The following GID4 variants were observed in gnomAD, a reference collection of about 807,000 sequenced individuals.
GID4 encodes GID complex subunit 4 homolog.
In GID4, 7 loss-of-function variants were observed where a neutral mutation model predicts 32.4. The observed-to-expected ratio is 0.22, with a 90% CI of 0.12 to 0.41. GID4 has a LOEUF of 0.41. GID4 is among the 10% of genes least tolerant of loss of function. The pLI is 1.00. For synonymous variants in GID4, 166 were observed against 170.0 expected, an observed-to-expected ratio of 0.98 and a Z score of 0.18; for missense variants, 309 against 400.0, an observed-to-expected ratio of 0.77 and a Z score of 1.94.
At chr17:18,056,674 C>T (rs2044970447) in intron 3 of GID4, 1 of 1,539,454 alleles carries the variant, frequency 6.5e-7, no homozygotes, top group Middle Eastern at 1.7e-4. Flanking sequence ...TGGAAAGCAA[C>T]TCTTAATTTT....
chr17:18,060,400 C>CAAAAAAAA, intron 4 of GID4, among the ~76,000 whole-genome samples: 1 of 45,676 alleles, frequency 2.2e-5, no homozygotes, highest in Non-Finnish European at 4.6e-5. Context: ...TCTGTCTCAC[C>CAAAAAAAA]AAAAAAAAAA....
chr17:18,052,108 C>T (rs1210906857), intron 2 of GID4, among the ~76,000 whole-genome samples: 1 of 151,600 alleles, frequency 6.6e-6, no homozygotes. Flanking sequence ...TTAGCTTATA[C>T]CTTAAAAATT....
rs747988985 is a variant in GID4 at position 18,068,382 on chromosome 17, A to AAT, written c.*3140_*3141insTA. 461 of 152,312 alleles carry AAT rather than the reference A, an allele frequency of 3.0e-3. 1 individual carries two copies. The highest frequency in any genetic ancestry group is 5.4e-3 in the Non-Finnish European group (367 of 67,890). 9.4% of individuals were successfully genotyped at this position (152,312 alleles called of 1,614,324 possible). On this transcript the variant is annotated 3_prime_UTR_variant, in exon 6 of 6. Transcript: ENST00000268719. The stretch of plus-strand genomic sequence containing the variant: ...TCAATGTCCAAATAATTTAAAAAAA[A>AAT]AAATAAAGGTATTTAAGCAGTGAGT...
At chr17:18,055,103 G>A (rs987175587) in intron 3 of GID4, among the ~76,000 whole-genome samples, 10 of 151,668 alleles carry the variant, frequency 6.6e-5, no homozygotes, top group Non-Finnish European at 1.5e-4. Context: ...CCCAGGAGGC[G>A]GAGCTTGCAG....
intron 2 of GID4, among the ~76,000 whole-genome samples, chr17:18,050,890 G>A (rs996589843): frequency 7.2e-5 from 11 of 152,096 alleles, no homozygotes; most frequent in Admixed American, 1.3e-4. Flanking sequence ...ATGGTTTTTC[G>A]TCCGCTCTAT....
Position 18,039,961 on chromosome 17 carries a change from C to T in GID4, c.438+59C>T, listed in dbSNP as rs2044773528. The T allele has an allele frequency of 2.2e-5, 28 of 1,292,054 alleles. No homozygotes were observed. The Middle Eastern group carries it at 8.8e-4, about 41-fold the overall frequency. The allele number at this position is 1,292,054 out of a possible 1,614,324, so 80.0% of individuals were successfully genotyped here. A position where few individuals can be genotyped will look rare whatever the true frequency, so the allele number is the denominator to read the frequency against. On this transcript the variant is annotated intron_variant, in intron 1 of 5. Transcript: ENST00000268719. This position sits in a 1 kb window ranked among gnomAD's most constrained non-coding sequence, Gnocchi z 5.3. ...TCCTCGCGGCGCTCACGGGCCGTGC[C>T]CGCTTCGGCTCCTCGACCCCGCAGC...
At chr17:18,041,090 C>A (rs536260037) in intron 1 of GID4, among the ~76,000 whole-genome samples, 131 of 152,280 alleles carry the variant, frequency 8.6e-4, no homozygotes, top group African/African-American at 3.0e-3. Context: ...CTTTCCCCTT[C>A]CCTTTGCCCT....
intron 1 of GID4, among the ~76,000 whole-genome samples, chr17:18,040,611 G>C (rs1335582010): frequency 6.6e-6 from 1 of 151,850 alleles, no homozygotes; most frequent in Non-Finnish European, 1.5e-5. Context: ...CAGGCACCCA[G>C]CTCCTTCCAG....
rs904973958 is a variant in GID4, at chr17:18,066,638, T to C, written c.*1395T>C. The C allele has an allele frequency of 3.9e-5, 6 of 152,138 alleles. No individual in the cohort carries two copies. Among genetic ancestry groups the C allele is most frequent in the Non-Finnish European group, 7.3e-5 (5 of 68,030 alleles). 9.4% of individuals were successfully genotyped at this position (152,138 alleles called of 1,614,324 possible). ...AAGAGGAAAAGCTTTAAAAACAAGATTGCATCATAACCCCCAGGAGCAAAG... is the reference window on the plus strand; with the variant it reads ...AAGAGGAAAAGCTTTAAAAACAAGACTGCATCATAACCCCCAGGAGCAAAG... On this transcript the variant is annotated 3_prime_UTR_variant, in exon 6 of 6. Coordinates refer to ENST00000268719, the MANE Select transcript of GID4 (RefSeq NM_024052.5).
At chr17:18,062,620 G>A (rs943564596) in intron 5 of GID4, among the ~76,000 whole-genome samples, 10 of 152,096 alleles carry the variant, frequency 6.6e-5, no homozygotes, top group African/African-American at 1.7e-4. Context: ...TTTCTTTCCA[G>A]TATTTAACAC....
chr17:18,051,661 C>T (rs893010233), intron 2 of GID4, among the ~76,000 whole-genome samples: 2 of 149,050 alleles, frequency 1.3e-5, no homozygotes, highest in Non-Finnish European at 1.5e-5. Context: ...GGCGACAGAG[C>T]GAGACTCCAT....
intron 2 of GID4, among the ~76,000 whole-genome samples, chr17:18,046,643 C>T (rs7210400): frequency 0.57 from 85,359 of 150,644 alleles, 25,495 homozygotes; most frequent in Non-Finnish European, 0.68. Context: ...AAATTGGGGT[C>T]GGGCGTGGTG....
At chr17:18,045,519 GT>G (rs900360556) in intron 2 of GID4, among the ~76,000 whole-genome samples, 3 of 152,080 alleles carry the variant, frequency 2.0e-5, no homozygotes, top group Admixed American at 1.3e-4. Context: ...CTCATCATAA[GT>G]TTAACAGTTT....
chr17:18,051,206 A>G (rs767490278), intron 2 of GID4, among the ~76,000 whole-genome samples: 33 of 151,908 alleles, frequency 2.2e-4, no homozygotes, highest in Non-Finnish European at 3.8e-4. Context: ...GGGTCTTACT[A>G]TGTTGCCCAA....
chr17:18,057,197 C>T lies in GID4; in HGVS notation c.607-1671C>T, dbSNP rs538445007. The T allele has an allele frequency of 4.2e-5, 33 of 776,990 alleles. 1 individual carries two copies. Among genetic ancestry groups the T allele is most frequent in the African/African-American group, 2.4e-4 (14 of 57,158 alleles). 48.1% of individuals were successfully genotyped at this position (776,990 alleles called of 1,614,324 possible). ...CTGTAATGCCAGCACTTTGGGAGGC[C>T]GAGGCAGATGGATCACCTGAGGTCA... On this transcript the variant is annotated intron_variant, in intron 3 of 5. Transcript: ENST00000268719.
chr17:18,045,214 C>G lies in GID4; in HGVS notation c.498+8C>G. On this transcript the variant is annotated splice_region_variant and intron_variant, in intron 2 of 5. Transcript: ENST00000268719. ...ATTAAAGGCCTTACTGAGGTAAGCACTTGCTCACACAAACCAGCACTAGAA... is the reference window on the plus strand; with the variant it reads ...ATTAAAGGCCTTACTGAGGTAAGCAGTTGCTCACACAAACCAGCACTAGAA... 1.2e-6 allele frequency: 2 copies of G among 1,610,226 alleles called. No individual in the cohort carries two copies. Among genetic ancestry groups the G allele is most frequent in the Non-Finnish European group, 1.7e-6 (2 of 1,176,526 alleles).
chr17:18,041,310 G>A (rs893727983), intron 1 of GID4, among the ~76,000 whole-genome samples: 3 of 152,080 alleles, frequency 2.0e-5, no homozygotes, highest in Admixed American at 6.5e-5. Flanking sequence ...TGAAGAGTAG[G>A]TCTCCCATCC....
intron 1 of GID4, among the ~76,000 whole-genome samples, chr17:18,042,523 A>T (rs2044812751): frequency 6.6e-6 from 1 of 152,244 alleles, no homozygotes; most frequent in Non-Finnish European, 1.5e-5. Flanking sequence ...ACAATTGTCC[A>T]TTGAATGGAT....
At chr17:18,058,207 T>C (rs559222771) in intron 3 of GID4, among the ~76,000 whole-genome samples, 3 of 152,336 alleles carry the variant, frequency 2.0e-5, no homozygotes, top group East Asian at 3.9e-4. Context: ...AGTATTTACA[T>C]TGAATTAGGT....
Sources: allele counts gnomAD v4.1 joint callset (sites outside exome capture counted in the v4.1 genomes callset), GRCh38; gene constraint gnomAD v4.1.1; non-coding constraint Gnocchi (gnomAD v3.1); transcripts MANE v1.5; gene names NCBI Gene and HGNC (gene_info 2026-07-23, HGNC 2026-07-21).